SEMA5B: variants seen among roughly 807,000 people sequenced by gnomAD.
The protein encoded by SEMA5B is semaphorin-5B.
Under a neutral mutation model 135.0 loss-of-function variants are expected in SEMA5B, and 66 were observed. The observed-to-expected ratio is 0.49, with a 90% CI of 0.40 to 0.60. The LOEUF (loss-of-function observed/expected upper bound fraction) is 0.60, where lower values mean the gene tolerates loss of function less well. Ranked by LOEUF, SEMA5B falls within the 20% of genes least tolerant of loss-of-function variation. The probability of loss-of-function intolerance (pLI) is 0.00; values close to 1 mark genes in which losing one functional copy is unlikely to be tolerated. For missense variants in SEMA5B, 1,501 were observed against 1,566.3 expected, an observed-to-expected ratio of 0.96 and a Z score of 0.70; for synonymous variants, 690 against 639.5, an observed-to-expected ratio of 1.08 and a Z score of -1.19.
chr3:123,020,334 A>C (rs989856025), intron 1 of SEMA5B, among the ~76,000 whole-genome samples: 1 of 152,252 alleles, frequency 6.6e-6, no homozygotes, highest in Admixed American at 6.5e-5. Flanking sequence ...TGGTTACAAA[A>C]AGTACAATCA....
intron 1 of SEMA5B, among the ~76,000 whole-genome samples, chr3:123,008,095 G>A (rs1030341506): frequency 2.0e-5 from 3 of 152,220 alleles, no homozygotes; most frequent in Admixed American, 6.5e-5. Context: ...GCAAAGGCAC[G>A]CAGAAATAAG....
intron 1 of SEMA5B, among the ~76,000 whole-genome samples, chr3:122,964,866 G>A (rs1255238390): frequency 2.6e-5 from 4 of 152,164 alleles, no homozygotes; most frequent in Admixed American, 1.3e-4. Context: ...TAAACATCTG[G>A]TGTTTAATTA....
rs57975297 is a variant in SEMA5B at position 122,983,716 on chromosome 3, C to CAAA, written c.-38-22418_-38-22416dup. 6.0e-4 allele frequency among the ~76,000 whole-genome samples: 32 copies of CAAA among 53,426 alleles called. 6 individuals are homozygous for CAAA. The highest frequency in any genetic ancestry group is 1.4e-3 in the African/African-American group (22 of 16,122). 35.0% of individuals were successfully genotyped at this position (53,426 alleles called of 152,430 possible). A position where few individuals can be genotyped will look rare whatever the true frequency, so the allele number is the denominator to read the frequency against. On this transcript the variant is annotated intron_variant, in intron 1 of 22. Transcript: ENST00000357599. ...CTGGGCGACAGAGCGAGACTCGTCT[C>CAAA]AAAAAAAAAAAAAAAAAAAAAAAAA...
chr3:122,949,115 G>A (rs917875690), intron 2 of SEMA5B, among the ~76,000 whole-genome samples: 3 of 152,132 alleles, frequency 2.0e-5, no homozygotes, highest in African/African-American at 7.2e-5. Flanking sequence ...AGATTTCAAT[G>A]TTAAGGATAA....
At position 122,912,921 on chromosome 3, in the gene SEMA5B, G is replaced by A; in HGVS notation, c.2647C>T (p.Pro883Ser). The A allele has an allele frequency of 4.3e-6, 7 of 1,612,438 alleles. No individual in the cohort carries two copies. Among genetic ancestry groups the A allele is most frequent in the Non-Finnish European group, 5.9e-6 (7 of 1,179,360 alleles). The change falls in exon 18 of 23, where the codon CCG (proline) becomes TCG (serine). Residue 883 changes from proline to serine, a missense_variant. Physicochemically the swap from Pro to Ser is moderately conservative, Grantham distance 74. Coordinates refer to ENST00000357599, the MANE Select transcript of SEMA5B (RefSeq NM_001031702.4). ...FRVRKRTCTN[P>S]EPRNGGLPCV... ...GGCAGGCCCCCGTTGCGGGGCTCCGGGTTAGTGCACGTTCTCTTGCGGACG... is the reference window on the plus strand; with the variant it reads ...GGCAGGCCCCCGTTGCGGGGCTCCGAGTTAGTGCACGTTCTCTTGCGGACG...
chr3:122,978,400 G>C (rs555855037), intron 1 of SEMA5B, among the ~76,000 whole-genome samples: 2 of 150,682 alleles, frequency 1.3e-5, no homozygotes, highest in South Asian at 2.1e-4. Context: ...GGGCCACAGG[G>C]ACCCGTGCAG....
intron 1 of SEMA5B, among the ~76,000 whole-genome samples, chr3:122,999,720 A>C (rs1186408815): frequency 6.6e-6 from 1 of 152,144 alleles, no homozygotes; most frequent in East Asian, 1.9e-4. Flanking sequence ...GGCTGGCTCC[A>C]TGAAGACTGC....
chr3:122,972,388 C>T lies in SEMA5B; in HGVS notation c.-38-11087G>A, dbSNP rs149074307. ...GCTGCCCATGTATAAAGCATGCCAG[C>T]CCTTTTCCCTGGCATGTGGCACACT... On this transcript the variant is annotated intron_variant, in intron 1 of 22. Transcript: ENST00000357599. Among the ~76,000 whole-genome samples the T allele has an allele frequency of 3.3e-5, 5 of 152,294 alleles. No homozygotes were observed. In the East Asian group the frequency reaches 9.6e-4, roughly 29 times the overall value.
intron 1 of SEMA5B, among the ~76,000 whole-genome samples, chr3:123,024,032 T>C (rs192999971): frequency 2.6e-5 from 4 of 152,324 alleles, no homozygotes; most frequent in Non-Finnish European, 2.9e-5. Context: ...TAAGGCAATA[T>C]AACATAACAA....
chr3:122,928,918 A>G lies in SEMA5B; in HGVS notation c.537+78T>C, dbSNP rs1938797933. 4 of 1,431,594 alleles carry G rather than the reference A, an allele frequency of 2.8e-6. No individual in the cohort carries two copies. The East Asian group carries it at 9.3e-5, about 33-fold the overall frequency. The allele number at this position is 1,431,594 out of a possible 1,614,324, so 88.7% of individuals were successfully genotyped here. A position where few individuals can be genotyped will look rare whatever the true frequency, so the allele number is the denominator to read the frequency against. On this transcript the variant is annotated intron_variant, in intron 6 of 22. Coordinates refer to ENST00000357599, the MANE Select transcript of SEMA5B (RefSeq NM_001031702.4). ...TCTCTAGCAGGGGACCTCAGTCCAC[A>G]CAGTGCTGCTCCATCCCCACAACCA...
At chr3:122,922,982 G>T (rs1008083092) in intron 10 of SEMA5B, among the ~76,000 whole-genome samples, 33 of 152,232 alleles carry the variant, frequency 2.2e-4, no homozygotes, top group African/African-American at 7.7e-4. Context: ...AAAGGAGACT[G>T]AAGGAGGTTG....
chr3:122,927,609 G>T (rs533162581), intron 8 of SEMA5B, among the ~76,000 whole-genome samples, 181 bp downstream of exon 8: 1 of 152,122 alleles, frequency 6.6e-6, no homozygotes, highest in Non-Finnish European at 1.5e-5. Context: ...CTGTGATTTC[G>T]TCTGGGGCCC....
chr3:122,912,111 C>A (rs912824221), intron 19 of SEMA5B, 42 bp from the exon 20 acceptor site: 1 of 1,592,458 alleles, frequency 6.3e-7, no homozygotes, highest in South Asian at 1.1e-5. Flanking sequence ...CCCAGGGACC[C>A]CCTGGTGGGG....
intron 1 of SEMA5B, among the ~76,000 whole-genome samples, chr3:122,999,554 C>T (rs968725184): frequency 1.3e-5 from 2 of 151,766 alleles, no homozygotes; most frequent in Non-Finnish European, 2.9e-5. Flanking sequence ...TTTAAACCCA[C>T]CAAAGATAAC....
At chr3:122,998,265 G>T (rs1942077068) in intron 1 of SEMA5B, among the ~76,000 whole-genome samples, 1 of 152,118 alleles carries the variant, frequency 6.6e-6, no homozygotes, top group South Asian at 2.1e-4. Context: ...TCACTCTGGG[G>T]TCGCTCACTC....
chr3:122,911,989 G>A lies in SEMA5B; in HGVS notation c.2977C>T (p.Leu993Phe). The change falls in exon 20 of 23, where the codon CTC (leucine) becomes TTC (phenylalanine). Residue 993 changes from leucine to phenylalanine, a missense_variant. Transcript: ENST00000357599. ...QSRSRHCEELLPGSSACAGNS... is the reference protein window; with the variant it reads ...QSRSRHCEELFPGSSACAGNS... ...CCAGCACAGGCGCTGGACCCTGGGAGGAGCTCCTCACAGTGCCGGCTTCGG... is the reference window on the plus strand; with the variant it reads ...CCAGCACAGGCGCTGGACCCTGGGAAGAGCTCCTCACAGTGCCGGCTTCGG... The A allele has an allele frequency of 6.2e-7, 1 of 1,613,522 alleles. No individual in the cohort carries two copies. Among genetic ancestry groups the A allele is most frequent in the Non-Finnish European group, 8.5e-7 (1 of 1,179,718 alleles).
chr3:122,917,796 G>A (rs947031218), intron 12 of SEMA5B, among the ~76,000 whole-genome samples: 1 of 148,404 alleles, frequency 6.7e-6, no homozygotes, highest in Non-Finnish European at 1.5e-5. Flanking sequence ...TGGGTAAATT[G>A]TACAAGATAA....
intron 1 of SEMA5B, among the ~76,000 whole-genome samples, chr3:123,021,660 C>T (rs1942680984): frequency 6.6e-6 from 1 of 152,178 alleles, no homozygotes; most frequent in Non-Finnish European, 1.5e-5. Flanking sequence ...TAAATTGTTA[C>T]CCTGCAAGCC....
chr3:123,025,043 C>T (rs1259375526), intron 1 of SEMA5B, among the ~76,000 whole-genome samples: 1 of 152,194 alleles, frequency 6.6e-6, no homozygotes, highest in South Asian at 2.1e-4. Flanking sequence ...GTCTTTCAAA[C>T]AAGCCAGGAA....
Sources: allele counts gnomAD v4.1 joint callset (sites outside exome capture counted in the v4.1 genomes callset), GRCh38; gene constraint gnomAD v4.1.1; transcripts MANE v1.5; gene names NCBI Gene and HGNC (gene_info 2026-07-23, HGNC 2026-07-21).